Variants in WDR17 observed in about 807,000 individuals in gnomAD.
WDR17 encodes WD repeat-containing protein 17.
In WDR17, 143 loss-of-function variants were observed where a neutral mutation model predicts 161.7. The observed-to-expected ratio is 0.88, with a 90% CI of 0.77 to 1.02. The LOEUF is 1.02. Ranked by LOEUF, WDR17 falls within the 50% of genes least tolerant of loss-of-function variation. The pLI is 0.00. For synonymous variants in WDR17, 517 were observed against 515.6 expected, an observed-to-expected ratio of 1.00 and a Z score of -0.04; for missense variants, 1,469 against 1,520.9, an observed-to-expected ratio of 0.97 and a Z score of 0.57.
Position 176,136,323 on chromosome 4 carries a change from C to T in WDR17, c.1267+1047C>T, listed in dbSNP as rs371993016. Among the ~76,000 whole-genome samples the T allele has an allele frequency of 5.3e-3, 806 of 151,654 alleles. 14 individuals are homozygous for T. The highest frequency in any genetic ancestry group is 0.016 in the South Asian group (77 of 4,818). The stretch of plus-strand genomic sequence containing the variant: ...CTCCACTGTAGGTTACCTTGGCTAG[C>T]AATATAGGAATTGGACCAGCCAGTG... On this transcript the variant is annotated intron_variant, in intron 8 of 28. Transcript: ENST00000508596.
At chr4:176,076,661 C>T (rs140552066) in intron 1 of WDR17, among the ~76,000 whole-genome samples, 7 of 151,438 alleles carry the variant, frequency 4.6e-5, no homozygotes, top group African/African-American at 1.7e-4. Flanking sequence ...CTTTATTGCT[C>T]TTTAATGTGG....
intron 23 of WDR17, among the ~76,000 whole-genome samples, chr4:176,171,746 T>A (rs1175141708): frequency 2.7e-5 from 4 of 150,376 alleles, no homozygotes; most frequent in Non-Finnish European, 5.9e-5. Flanking sequence ...TGAGAGAGGA[T>A]CAGACTCTCA....
rs1282100730 is a variant in WDR17 at position 176,180,386 on chromosome 4, TAGTC to T, written c.*809_*812del. 5 of 152,230 alleles carry T rather than the reference TAGTC, an allele frequency of 3.3e-5. No homozygotes were observed. Among genetic ancestry groups the T allele is most frequent in the African/African-American group, 1.2e-4 (5 of 41,464 alleles). The allele number at this position is 152,230 out of a possible 1,614,324, so 9.4% of individuals were successfully genotyped here. On this transcript the variant is annotated 3_prime_UTR_variant, in exon 29 of 29. Transcript: ENST00000508596. ...GTACAATAATTTACACAGTATACTC[TAGTC>T]AATTTATGTTAACTTTATTTAAAAC...
chr4:176,101,788 T>G (rs1462280653), intron 1 of WDR17, among the ~76,000 whole-genome samples: 1 of 152,124 alleles, frequency 6.6e-6, no homozygotes, highest in Non-Finnish European at 1.5e-5. Context: ...AAGATAGTCT[T>G]TTCAACAAAT....
At chr4:176,124,625 C>T (rs1303710945) in intron 4 of WDR17, among the ~76,000 whole-genome samples, 1 of 152,134 alleles carries the variant, frequency 6.6e-6, no homozygotes, top group Non-Finnish European at 1.5e-5. Context: ...GACTGAGGCA[C>T]AGGGAGATTA....
chr4:176,075,347 G>T (rs1280212587), intron 1 of WDR17, among the ~76,000 whole-genome samples: 1 of 151,934 alleles, frequency 6.6e-6, no homozygotes, highest in African/African-American at 2.4e-5. Flanking sequence ...TGTTAAATGA[G>T]AAATTTACCA....
At chr4:176,133,714 C>T (rs1396803139) in intron 7 of WDR17, among the ~76,000 whole-genome samples, 3 of 151,440 alleles carry the variant, frequency 2.0e-5, no homozygotes, top group Admixed American at 2.0e-4. Flanking sequence ...TATGAAGCAT[C>T]TGCAAAGATT....
rs543394460 is a variant in WDR17, at chr4:176,121,791, A to G, written c.538+1694A>G. Among the ~76,000 whole-genome samples the G allele has an allele frequency of 1.2e-4, 18 of 152,338 alleles. No homozygotes were observed. The South Asian group carries it at 3.1e-3, about 26-fold the overall frequency. ...TTATTTTGACATAGAAATAACAGAA[A>G]AGAAAAAAGACTACCTTTGTTTTCC... On this transcript the variant is annotated intron_variant, in intron 4 of 28. Coordinates refer to ENST00000508596, the MANE Select transcript of WDR17 (RefSeq NM_181265.4).
At chr4:176,171,271 T>C (rs1750694596) in intron 23 of WDR17, among the ~76,000 whole-genome samples, 1 of 152,210 alleles carries the variant, frequency 6.6e-6, no homozygotes, top group Non-Finnish European at 1.5e-5. Flanking sequence ...CTTTTTCTTC[T>C]TCTTATAGTC....
intron 7 of WDR17, among the ~76,000 whole-genome samples, chr4:176,133,199 C>A (rs1293439086): frequency 1.6e-5 from 2 of 127,542 alleles, no homozygotes; most frequent in African/African-American, 6.2e-5. Flanking sequence ...TTTTTTTTTA[C>A]CACTTCACTA....
At chr4:176,141,407 A>G (rs1231686191) in intron 10 of WDR17, among the ~76,000 whole-genome samples, 1 of 152,154 alleles carries the variant, frequency 6.6e-6, no homozygotes, top group East Asian at 1.9e-4. Context: ...AATGTATTAC[A>G]CTATGTTTTC....
intron 7 of WDR17, among the ~76,000 whole-genome samples, chr4:176,132,207 G>C (rs1743579454): frequency 6.6e-6 from 1 of 151,984 alleles, no homozygotes; most frequent in African/African-American, 2.4e-5. Context: ...CCCTATATAA[G>C]ATAGAATACA....
rs949730226 is a variant in WDR17, at chr4:176,180,221, G to A, written c.*642G>A. 1 of 151,806 alleles carries A rather than the reference G, an allele frequency of 6.6e-6. No homozygotes were observed. The highest frequency in any genetic ancestry group is 1.5e-5 in the Non-Finnish European group (1 of 67,936). 9.4% of individuals were successfully genotyped at this position (151,806 alleles called of 1,614,324 possible). A position where few individuals can be genotyped will look rare whatever the true frequency, so the allele number is the denominator to read the frequency against. On this transcript the variant is annotated 3_prime_UTR_variant, in exon 29 of 29. Transcript: ENST00000508596. ...AGTTTAACTGTCCCATTGTAAAGGT[G>A]TAAGTTATATAGGCTTGAAAAAAAT... is the stretch of plus-strand genomic sequence containing the variant.
Position 176,182,358 on chromosome 4 carries a change from A to G in WDR17, c.*2779A>G, listed in dbSNP as rs961475452. ...ACAAATGAAATATATATGTATGTGT[A>G]TATATATACATGTATGTATGAAATA... is the stretch of plus-strand genomic sequence containing the variant. On this transcript the variant is annotated 3_prime_UTR_variant, in exon 29 of 29. Transcript: ENST00000508596. This position sits in a 1 kb window ranked among gnomAD's most constrained non-coding sequence, Gnocchi z 4.2. 6.6e-6 allele frequency: 1 copy of G among 150,742 alleles called. No individual in the cohort carries two copies. Among genetic ancestry groups the G allele is most frequent in the African/African-American group, 2.4e-5 (1 of 41,090 alleles). 9.3% of individuals were successfully genotyped at this position (150,742 alleles called of 1,614,324 possible).
intron 9 of WDR17, among the ~76,000 whole-genome samples, chr4:176,138,761 C>T (rs1279200763): frequency 6.6e-6 from 1 of 151,820 alleles, no homozygotes; most frequent in Non-Finnish European, 1.5e-5. Flanking sequence ...CACTTCCAGC[C>T]TGATTGTGGA....
At chr4:176,113,462 G>T (rs10001419) in intron 2 of WDR17, among the ~76,000 whole-genome samples, 1 of 151,892 alleles carries the variant, frequency 6.6e-6, no homozygotes, top group Admixed American at 6.6e-5. Context: ...TGTCATTAAG[G>T]ACTGAAACAA....
intron 1 of WDR17, among the ~76,000 whole-genome samples, chr4:176,073,786 T>C (rs1733576616): frequency 1.3e-5 from 2 of 152,078 alleles, no homozygotes; most frequent in South Asian, 4.2e-4. Flanking sequence ...GACTTTTTAA[T>C]GATTGTCATT....
Position 176,150,071 on chromosome 4 carries a change from T to G in WDR17, c.2076T>G (p.Pro692=), listed in dbSNP as rs779356304. The G allele has an allele frequency of 2.5e-6, 4 of 1,614,072 alleles. No homozygotes were observed. The highest frequency in any genetic ancestry group is 3.4e-6 in the Non-Finnish European group (4 of 1,179,984). ...TDYAIEPGTP[P]LLCGKVSRDI... ...ATGCTATAGAACCAGGCACTCCTCC[T>G]CTACTGTGTGGTAAAGTGTCAAGAG... Residue 692 remains proline (P), a synonymous_variant, in exon 15 of 29, where the codon CCT becomes CCG. Coordinates refer to ENST00000508596, the MANE Select transcript of WDR17 (RefSeq NM_181265.4).
intron 1 of WDR17, among the ~76,000 whole-genome samples, chr4:176,078,604 A>G (rs1734352240): frequency 6.6e-6 from 1 of 152,138 alleles, no homozygotes. Context: ...AGAACTTTGA[A>G]TCTTGAAACT....
Sources: allele counts gnomAD v4.1 joint callset (sites outside exome capture counted in the v4.1 genomes callset), GRCh38; gene constraint gnomAD v4.1.1; non-coding constraint Gnocchi (gnomAD v3.1); transcripts MANE v1.5; gene names NCBI Gene and HGNC (gene_info 2026-07-23, HGNC 2026-07-21).